Variants in GABRB3 observed in about 807,000 individuals in gnomAD.
GABRB3 encodes the protein gamma-aminobutyric acid receptor subunit beta-3.
In GABRB3, 14 loss-of-function variants were observed where a neutral mutation model predicts 52.1. The observed-to-expected ratio is 0.27, with a 90% CI of 0.18 to 0.42. The LOEUF (loss-of-function observed/expected upper bound fraction) is 0.42. Among genes scored for constraint, GABRB3 ranks in the 10% least tolerant of loss-of-function variants. The probability of loss-of-function intolerance (pLI) is 1.00; values close to 1 mark genes in which losing one functional copy is unlikely to be tolerated. For synonymous variants in GABRB3, 260 were observed against 232.3 expected, an observed-to-expected ratio of 1.12 and a Z score of -1.08; for missense variants, 307 against 609.1, an observed-to-expected ratio of 0.50 and a Z score of 5.22.
At chr15:26,625,023 T>C (rs1892637594) in intron 3 of GABRB3, 1 of 948,944 alleles carries the variant, frequency 1.1e-6, no homozygotes, top group Non-Finnish European at 1.3e-6. Context: ...CCTATATCGA[T>C]GAAGTAACAA....
intron 3 of GABRB3, among the ~76,000 whole-genome samples, chr15:26,722,193 A>G (rs937001696): frequency 1.3e-5 from 2 of 152,034 alleles, no homozygotes; most frequent in African/African-American, 4.8e-5. Context: ...CAACCCGGAG[A>G]GCTTCAGTTG....
In GABRB3 at chr15:26,580,449, G is replaced by A; in HGVS notation, c.552C>T (p.Tyr184=). Residue 184 remains tyrosine, a synonymous_variant, in exon 6 of 9, where the codon TAC becomes TAT. Transcript: ENST00000311550. ...NCTLEIESYG[Y]TTDDIEFYWR... is the part of the protein sequence containing the mutation. ...AGTAAAACTCAATGTCATCCGTGGT[G>A]TAGCCATCTGCCAAGAGAGAAGCAG... 3 of 1,614,192 alleles carry A rather than the reference G, an allele frequency of 1.9e-6. No homozygotes were observed. Among genetic ancestry groups the A allele is most frequent in the East Asian group, 2.2e-5 (1 of 44,878 alleles).
At chr15:26,560,340 A>G (rs976787733) in intron 8 of GABRB3, among the ~76,000 whole-genome samples, 2 of 152,224 alleles carry the variant, frequency 1.3e-5, no homozygotes, top group African/African-American at 4.8e-5. Context: ...GAGAATTCAG[A>G]AAGGGCAAGG....
intron 7 of GABRB3, 108 bp from the exon 8 acceptor site, chr15:26,561,284 G>A: frequency 6.7e-7 from 1 of 1,488,194 alleles, no homozygotes; most frequent in Non-Finnish European, 9.3e-7. Flanking sequence ...CAGAGATAAG[G>A]GGTTGAATAC....
In GABRB3 at chr15:26,621,984, C is replaced by T. The variant is rs527462176; in HGVS notation, c.241-450G>A. Among the ~76,000 whole-genome samples, 4 of 152,176 alleles carry T rather than the reference C, an allele frequency of 2.6e-5. No homozygotes were observed. Among genetic ancestry groups the T allele is most frequent in the Non-Finnish European group, 5.9e-5 (4 of 68,034 alleles). ...CAATTTGAGCCACTTTCCTCTGGTTCTGCCCTCCATGAGGGCTATAAATAC... is the reference window on the plus strand; with the variant it reads ...CAATTTGAGCCACTTTCCTCTGGTTTTGCCCTCCATGAGGGCTATAAATAC... On this transcript the variant is annotated intron_variant, in intron 3 of 8. Coordinates refer to ENST00000311550, the MANE Select transcript of GABRB3 (RefSeq NM_000814.6). This position sits in a 1 kb window ranked among gnomAD's most constrained non-coding sequence, Gnocchi z 4.1.
At chr15:26,620,079 T>C (rs778922698) in intron 4 of GABRB3, among the ~76,000 whole-genome samples, 1 of 152,202 alleles carries the variant, frequency 6.6e-6, no homozygotes, top group African/African-American at 2.4e-5. Flanking sequence ...GTCTTTTGTA[T>C]AGCTGATGCA....
At chr15:26,628,906 T>C in intron 3 of GABRB3, 1 of 1,412,386 alleles carries the variant, frequency 7.1e-7, no homozygotes, top group Non-Finnish European at 9.7e-7. Flanking sequence ...AGCTGGGAGG[T>C]GTGGGGGAGT....
intron 3 of GABRB3, among the ~76,000 whole-genome samples, chr15:26,683,166 G>A (rs1466676055): frequency 6.6e-6 from 1 of 152,196 alleles, no homozygotes; most frequent in Non-Finnish European, 1.5e-5. Context: ...GATGCGGATT[G>A]TAAACACTCT....
intron 3 of GABRB3, chr15:26,716,487 T>G: frequency 5.0e-6 from 3 of 597,228 alleles, no homozygotes; most frequent in East Asian, 1.4e-4. Flanking sequence ...ACAATTGCCA[T>G]GAAGAAACGA....
At chr15:26,734,668 T>G (rs1595558226) in intron 3 of GABRB3, among the ~76,000 whole-genome samples, 2 of 143,020 alleles carry the variant, frequency 1.4e-5, no homozygotes, top group African/African-American at 5.2e-5. Context: ...CCTGGTGTAG[T>G]GGCTCATACC....
intron 8 of GABRB3, 102 bp downstream of exon 8, chr15:26,560,830 G>A: frequency 6.6e-7 from 1 of 1,519,540 alleles, no homozygotes; most frequent in Non-Finnish European, 9.1e-7. Flanking sequence ...TGTGTGGCTT[G>A]ACATACACTA....
At chr15:26,741,479 C>A (rs1440762580) in intron 3 of GABRB3, among the ~76,000 whole-genome samples, 1 of 152,218 alleles carries the variant, frequency 6.6e-6, no homozygotes, top group Non-Finnish European at 1.5e-5. Context: ...CCTAAAAGAA[C>A]TAAACACATC....
At chr15:26,767,823 T>C (rs546431684) in intron 3 of GABRB3, among the ~76,000 whole-genome samples, 1 of 152,294 alleles carries the variant, frequency 6.6e-6, no homozygotes, top group African/African-American at 2.4e-5. Context: ...CCTAGCTCAC[T>C]CTAGCCTGAA....
intron 3 of GABRB3, among the ~76,000 whole-genome samples, chr15:26,744,139 G>C (rs540968666): frequency 6.6e-6 from 1 of 152,268 alleles, no homozygotes; most frequent in South Asian, 2.1e-4. Context: ...GGTTTTCTGA[G>C]TGACGCATAT....
At chr15:26,674,136 T>A (rs1427037971) in intron 3 of GABRB3, among the ~76,000 whole-genome samples, 3 of 150,512 alleles carry the variant, frequency 2.0e-5, no homozygotes, top group African/African-American at 7.3e-5. Context: ...GCGCAGTGGC[T>A]CACACCTGTA....
At chr15:26,752,948 T>C (rs1035523637) in intron 3 of GABRB3, among the ~76,000 whole-genome samples, 12 of 152,216 alleles carry the variant, frequency 7.9e-5, no homozygotes, top group African/African-American at 2.9e-4. Context: ...TCAATCAAAA[T>C]AGCATCACTA....
intron 4 of GABRB3, among the ~76,000 whole-genome samples, chr15:26,583,750 G>C (rs1408710079): frequency 6.6e-6 from 1 of 151,234 alleles, no homozygotes; most frequent in African/African-American, 2.4e-5. Context: ...GTTAAATTGA[G>C]GTAATTAACA....
chr15:26,651,349 A>G (rs1887191624), intron 3 of GABRB3, among the ~76,000 whole-genome samples: 1 of 152,252 alleles, frequency 6.6e-6, no homozygotes, highest in African/African-American at 2.4e-5. Context: ...TGTGTCCAGC[A>G]AAGGGGCCAA....
intron 4 of GABRB3, among the ~76,000 whole-genome samples, chr15:26,589,170 T>A (rs28411244): frequency 0.063 from 9,593 of 152,260 alleles, 978 homozygotes; most frequent in African/African-American, 0.22. Context: ...TTTCCATTTT[T>A]AAAATATTCA....
Sources: allele counts gnomAD v4.1 joint callset (sites outside exome capture counted in the v4.1 genomes callset), GRCh38; gene constraint gnomAD v4.1.1; non-coding constraint Gnocchi (gnomAD v3.1); transcripts MANE v1.5; gene names NCBI Gene and HGNC (gene_info 2026-07-23, HGNC 2026-07-21).